DLG2: variants seen among roughly 807,000 people sequenced by gnomAD.
DLG2 encodes the protein disks large homolog 2.
In DLG2, 45 loss-of-function variants were observed where a neutral mutation model predicts 132.5. That is an observed-to-expected ratio of 0.34 (90% confidence interval 0.27 to 0.44). The LOEUF (loss-of-function observed/expected upper bound fraction) is 0.44, where lower values mean the gene tolerates loss of function less well. Among genes scored for constraint, DLG2 ranks in the 20% least tolerant of loss-of-function variants. The probability of loss-of-function intolerance (pLI) is 1.00; values close to 1 mark genes in which losing one functional copy is unlikely to be tolerated. For missense variants in DLG2, 1,045 were observed against 1,196.9 expected (o/e 0.87, Z 1.87); for synonymous variants, 424 against 419.6 (o/e 1.01, Z -0.13).
rs1021950390 is a variant in DLG2 at position 84,211,941 on chromosome 11, T to C, written c.573+39297A>G. ...CTTCTATTCTATATAAGAGGATAAA[T>C]AGATGTGTATATAACCTCCCTCAAG... On this transcript the variant is annotated intron_variant, in intron 8 of 27. Coordinates refer to ENST00000376104, the MANE Select transcript of DLG2 (RefSeq NM_001142699.3). Among the ~76,000 whole-genome samples, 6 of 152,196 alleles carry C rather than the reference T, an allele frequency of 3.9e-5. No homozygotes were observed. The South Asian group carries it at 6.2e-4, about 16-fold the overall frequency.
intron 17 of DLG2, among the ~76,000 whole-genome samples, chr11:83,824,615 A>C (rs1565216440): frequency 6.6e-6 from 1 of 152,214 alleles, no homozygotes; most frequent in Non-Finnish European, 1.5e-5. Flanking sequence ...TTGTTAAATA[A>C]TGTTAAAAAA....
chr11:83,877,519 CTAAT>C (rs1349504857), intron 15 of DLG2, among the ~76,000 whole-genome samples: 7 of 152,112 alleles, frequency 4.6e-5, no homozygotes, highest in Non-Finnish European at 8.8e-5. Context: ...TACCTTATAA[CTAAT>C]TATTTTGTTA....
chr11:83,783,705 G>A (rs1275663424), intron 18 of DLG2, among the ~76,000 whole-genome samples: 4 of 152,018 alleles, frequency 2.6e-5, no homozygotes, highest in Non-Finnish European at 5.9e-5. Context: ...TCACAATTTT[G>A]TAGTTTAGCA....
intron 18 of DLG2, among the ~76,000 whole-genome samples, chr11:83,753,802 CATATATATCATATATATATTTCAT>C (rs755404418): frequency 0.2 from 22,361 of 111,260 alleles, 3,667 homozygotes; most frequent in African/African-American, 0.38. Context: ...TATGATATAT[CATATATATCATATATATATTTCAT>C]ATATATATGA....
chr11:84,495,396 AC>A (rs769474994), intron 7 of DLG2, among the ~76,000 whole-genome samples: 2 of 152,120 alleles, frequency 1.3e-5, no homozygotes, highest in Non-Finnish European at 2.9e-5. Context: ...ACAAGTATAA[AC>A]CATCATTTCC....
chr11:83,690,343 A>C (rs1272478844), intron 18 of DLG2, among the ~76,000 whole-genome samples: 1 of 151,532 alleles, frequency 6.6e-6, no homozygotes, highest in East Asian at 1.9e-4. Context: ...GAAAAAACCC[A>C]AAAACTCTGT....
rs569343659 is a variant in DLG2 at position 83,514,005 on chromosome 11, A to G, written c.2193+18703T>C. On this transcript the variant is annotated intron_variant, in intron 21 of 27. Coordinates refer to ENST00000376104, the MANE Select transcript of DLG2 (RefSeq NM_001142699.3). ...TCTTTTGGCTTAGGATTGACTTGGCAATGCGGGCTCTTTTTTGGTTCCATA... is the reference window on the plus strand; with the variant it reads ...TCTTTTGGCTTAGGATTGACTTGGCGATGCGGGCTCTTTTTTGGTTCCATA... 9.4e-3 allele frequency among the ~76,000 whole-genome samples: 1,437 copies of G among 152,140 alleles called. 16 individuals are homozygous for G. Among genetic ancestry groups the G allele is most frequent in the African/African-American group, 0.032 (1,321 of 41,504 alleles).
At chr11:85,201,151 C>A (rs1452797270) in intron 4 of DLG2, among the ~76,000 whole-genome samples, 2 of 152,138 alleles carry the variant, frequency 1.3e-5, no homozygotes, top group Non-Finnish European at 2.9e-5. Context: ...CAAGACCAGC[C>A]CCTCCAGCCT....
intron 4 of DLG2, among the ~76,000 whole-genome samples, chr11:85,220,895 A>G (rs1316887007): frequency 2.6e-5 from 4 of 152,120 alleles, no homozygotes; most frequent in African/African-American, 7.2e-5. Flanking sequence ...TGGCAAAATA[A>G]CTATCAAACT....
intron 6 of DLG2, among the ~76,000 whole-genome samples, chr11:84,878,015 C>T (rs1459232325): frequency 2.6e-5 from 4 of 152,138 alleles, no homozygotes; most frequent in Non-Finnish European, 5.9e-5. Context: ...CAATGAGATA[C>T]CATCTCATGC....
At chr11:84,689,459 A>C (rs1353930265) in intron 6 of DLG2, among the ~76,000 whole-genome samples, 2 of 152,098 alleles carry the variant, frequency 1.3e-5, no homozygotes, top group African/African-American at 4.8e-5. Flanking sequence ...TTTAGCAGCT[A>C]GTGAGCCAGG....
chr11:85,200,281 C>T (rs568791004), intron 4 of DLG2, among the ~76,000 whole-genome samples: 8 of 152,234 alleles, frequency 5.3e-5, no homozygotes, highest in South Asian at 4.1e-4. Flanking sequence ...CCATCTGACA[C>T]GGGGTTGAGA....
At chr11:84,411,977 C>T (rs180924233) in intron 7 of DLG2, among the ~76,000 whole-genome samples, 186 of 151,202 alleles carry the variant, frequency 1.2e-3, no homozygotes, top group Middle Eastern at 3.6e-3. Context: ...TACAGTCTGA[C>T]AGAGGAGTGC....
At chr11:85,323,578 C>T (rs2081232740) in intron 3 of DLG2, among the ~76,000 whole-genome samples, 1 of 152,194 alleles carries the variant, frequency 6.6e-6, no homozygotes, top group African/African-American at 2.4e-5. Context: ...CTCTACTGTG[C>T]TATCAAACAC....
chr11:85,465,073 CAAAAAAAAAAAAAAAAAAAAAAAAA>C (rs1157088846), intron 3 of DLG2, among the ~76,000 whole-genome samples: 38 of 17,146 alleles, frequency 2.2e-3, no homozygotes, highest in South Asian at 5.0e-3. Context: ...AACTCTGCCT[CAAAAAAAAAAAAAAAAAAAAAAAAA>C]AAAAAAAAAA....
intron 14 of DLG2, among the ~76,000 whole-genome samples, chr11:83,954,695 G>C (rs2086362685): frequency 6.6e-6 from 1 of 152,160 alleles, no homozygotes; most frequent in Non-Finnish European, 1.5e-5. Flanking sequence ...TAGCTATTGA[G>C]AGTCACTATG....
intron 17 of DLG2, among the ~76,000 whole-genome samples, chr11:83,797,560 C>T (rs1223370854): frequency 6.6e-6 from 1 of 151,562 alleles, no homozygotes; most frequent in Non-Finnish European, 1.5e-5. Flanking sequence ...TCTCTTTTCT[C>T]CCAGACTGGA....
intron 7 of DLG2, among the ~76,000 whole-genome samples, chr11:84,317,690 G>A (rs981348784): frequency 6.6e-6 from 1 of 152,066 alleles, no homozygotes; most frequent in African/African-American, 2.4e-5. Context: ...AACCTGTAAA[G>A]GAATTTTCAA....
intron 6 of DLG2, among the ~76,000 whole-genome samples, chr11:84,680,989 C>T (rs746560388): frequency 6.6e-6 from 1 of 152,124 alleles, no homozygotes; most frequent in Non-Finnish European, 1.5e-5. Flanking sequence ...CAACTATGTG[C>T]CAGGCATTAG....
Sources: gnomAD v4.1 joint callset for allele counts (sites outside exome capture counted in the v4.1 genomes callset) on GRCh38, gnomAD v4.1.1 for gene constraint, MANE v1.5 for transcripts, NCBI Gene and HGNC (gene_info 2026-07-23, HGNC 2026-07-21) for gene names.